Variants in TEK observed in about 807,000 individuals in gnomAD.
TEK encodes angiopoietin-1 receptor.
TEK carries 43 observed loss-of-function variants against 131.8 expected under a neutral mutation model. The ratio of observed to expected loss-of-function variants is 0.33; its 90% CI spans 0.26 to 0.42. The LOEUF is 0.42. TEK is among the 10% of genes least tolerant of loss of function. The pLI is 1.00. For missense variants in TEK, 1,162 were observed against 1,384.4 expected, an observed-to-expected ratio of 0.84 and a Z score of 2.55; for synonymous variants, 580 against 491.6, an observed-to-expected ratio of 1.18 and a Z score of -2.38.
At chr9:27,130,025 C>G (rs757416779) in intron 1 of TEK, among the ~76,000 whole-genome samples, 1 of 152,174 alleles carries the variant, frequency 6.6e-6, no homozygotes, top group South Asian at 2.1e-4. Flanking sequence ...ATCCAATCAC[C>G]TAAAGATATT....
intron 13 of TEK, among the ~76,000 whole-genome samples, chr9:27,203,947 G>A (rs1345233782): frequency 6.6e-6 from 1 of 152,216 alleles, no homozygotes; most frequent in East Asian, 1.9e-4. Flanking sequence ...CTTTAACAGT[G>A]CTGATTCTTT....
chr9:27,133,319 G>A (rs930815998), intron 1 of TEK, among the ~76,000 whole-genome samples: 7 of 152,166 alleles, frequency 4.6e-5, no homozygotes, highest in Admixed American at 2.0e-4. Flanking sequence ...AGTTGGAAAG[G>A]TCTAAGAATT....
In TEK at chr9:27,180,319, A is replaced by G. The variant is rs180827182; in HGVS notation, c.981A>G (p.Gln327=). The change falls in exon 7 of 23, where the codon CAA becomes CAG. Residue 327 remains glutamine (Q), a synonymous_variant. Transcript: ENST00000380036. ...ATGGGGAGATGTGTGATCGCTTCCA[A>G]GGATGTCTCTGCTCTCCAGGATGGC... ...CNNGEMCDRF[Q]GCLCSPGWQG... is the part of the protein sequence containing the mutation. The G allele has an allele frequency of 1.1e-5, 18 of 1,613,790 alleles. No individual in the cohort carries two copies. The highest frequency in any genetic ancestry group is 1.1e-4 in the East Asian group (5 of 44,850).
chr9:27,193,327 G>A (rs1183720519), intron 11 of TEK, among the ~76,000 whole-genome samples: 1 of 152,074 alleles, frequency 6.6e-6, no homozygotes, highest in African/African-American at 2.4e-5. Flanking sequence ...CCAGAGTTTC[G>A]GATTCAATGG....
At chr9:27,187,961 G>C (rs1244512624) in intron 9 of TEK, among the ~76,000 whole-genome samples, 1 of 152,098 alleles carries the variant, frequency 6.6e-6, no homozygotes, top group Admixed American at 6.6e-5. Context: ...TGAGGTACTA[G>C]GGGTTAAGAC....
At chr9:27,119,420 G>A (rs1470634907) in intron 1 of TEK, among the ~76,000 whole-genome samples, 1 of 152,168 alleles carries the variant, frequency 6.6e-6, no homozygotes, top group East Asian at 1.9e-4. Flanking sequence ...TGAAACTGGT[G>A]TCTCATATGT....
At position 27,168,511 on chromosome 9, in the gene TEK, T is replaced by C. The variant is rs763771206; in HGVS notation, c.381T>C (p.Ala127=). The C allele has an allele frequency of 1.9e-6, 3 of 1,613,744 alleles. No homozygotes were observed. In the South Asian group the frequency reaches 3.3e-5, roughly 18 times the overall value. ...TTTTAAAAGCTTCCTTCCTACCAGC[T>C]ACTTTAACTATGACTGTGGACAAGG... is the stretch of plus-strand genomic sequence containing the variant. ...KMRQQASFLP[A]TLTMTVDKGD... The change falls in exon 3 of 23, where the codon GCT becomes GCC. Residue 127 remains alanine, a synonymous_variant. Transcript: ENST00000380036.
intron 16 of TEK, among the ~76,000 whole-genome samples, chr9:27,211,120 TAA>T (rs35005991): frequency 0.3 from 41,413 of 137,000 alleles, 6,735 homozygotes; most frequent in East Asian, 0.55. Flanking sequence ...AGACTCAGTT[TAA>T]AAAAAAATAT....
In TEK at chr9:27,111,686, T is replaced by C. The variant is rs117957007; in HGVS notation, c.52+2044T>C. ...CTTTCCTTTTCTGAATTGAGAATCATTGCTAACTTCAGCTTTCAAACAGGT... is the reference window on the plus strand; with the variant it reads ...CTTTCCTTTTCTGAATTGAGAATCACTGCTAACTTCAGCTTTCAAACAGGT... On this transcript the variant is annotated intron_variant, in intron 1 of 22. Transcript: ENST00000380036. Among the ~76,000 whole-genome samples the C allele has an allele frequency of 6.2e-3, 949 of 152,276 alleles. 2 individuals are homozygous for C. Among genetic ancestry groups the C allele is most frequent in the African/African-American group, 8.0e-3 (333 of 41,566 alleles).
At chr9:27,213,640 A>G (rs1185155547) in intron 18 of TEK, 43 bp downstream of exon 18, 2 of 1,453,750 alleles carry the variant, frequency 1.4e-6, no homozygotes, top group African/African-American at 2.8e-5. Flanking sequence ...TTTCCGAGGT[A>G]CTCCCCTGTC....
intron 2 of TEK, 75 bp from the exon 3 acceptor site, chr9:27,168,420 G>A: frequency 8.6e-7 from 1 of 1,162,266 alleles, no homozygotes; most frequent in Non-Finnish European, 1.3e-6. Context: ...CTCATTTTCT[G>A]AGTCTCAAAG....
chr9:27,212,561 C>A, intron 16 of TEK, 146 bp from the exon 17 acceptor site: 1 of 847,562 alleles, frequency 1.2e-6, no homozygotes, highest in Non-Finnish European at 1.9e-6. Flanking sequence ...CCGTCTTCCT[C>A]CTGTCCCCCA....
intron 1 of TEK, among the ~76,000 whole-genome samples, chr9:27,142,022 C>A (rs1042683053): frequency 3.3e-5 from 5 of 152,140 alleles, no homozygotes; most frequent in Admixed American, 6.5e-5. Context: ...TAGAGAAGGG[C>A]ATCCTTGGCA....
rs754385594 is a variant in TEK, at chr9:27,212,785, C to T, written c.2765C>T (p.Thr922Met). The change falls in exon 17 of 23, where the codon ACG becomes ATG. Residue 922 changes from threonine (T) to methionine (M), a missense_variant. Coordinates refer to ENST00000380036, the MANE Select transcript of TEK (RefSeq NM_000459.5). ...CTTCGCAAGAGCCGTGTGCTGGAGACGGACCCAGCATTTGCCATTGCCAAT... is the reference window on the plus strand; with the variant it reads ...CTTCGCAAGAGCCGTGTGCTGGAGATGGACCCAGCATTTGCCATTGCCAAT... ...DFLRKSRVLE[T>M]DPAFAIANST... The T allele has an allele frequency of 3.7e-6, 6 of 1,614,094 alleles. No individual in the cohort carries two copies. The highest frequency in any genetic ancestry group is 5.1e-6 in the Non-Finnish European group (6 of 1,180,022).
At chr9:27,176,916 A>G (rs1428233713) in intron 6 of TEK, among the ~76,000 whole-genome samples, 1 of 152,156 alleles carries the variant, frequency 6.6e-6, no homozygotes, top group African/African-American at 2.4e-5. Context: ...TTCAGATTCC[A>G]CTTATAGAAG....
chr9:27,190,494 C>A, intron 9 of TEK, 35 bp from the exon 10 acceptor site: 1 of 1,613,254 alleles, frequency 6.2e-7, no homozygotes, highest in Non-Finnish European at 8.5e-7. Flanking sequence ...ACCTCAAAGC[C>A]GAAGGACTAA....
At chr9:27,123,315 CT>C (rs1354334528) in intron 1 of TEK, among the ~76,000 whole-genome samples, 1 of 152,024 alleles carries the variant, frequency 6.6e-6, no homozygotes, top group African/African-American at 2.4e-5. Flanking sequence ...GGGTTAGGTC[CT>C]TCTCTCTGCC....
At chr9:27,212,675 T>A (rs1174139221) in intron 16 of TEK, 32 bp from the exon 17 acceptor site, 1 of 1,612,602 alleles carries the variant, frequency 6.2e-7, no homozygotes, top group Non-Finnish European at 8.5e-7. Flanking sequence ...TCAGGGCCAC[T>A]GATGAGTCGA....
intron 8 of TEK, among the ~76,000 whole-genome samples, chr9:27,183,983 G>A (rs781008124): frequency 1.3e-5 from 2 of 152,172 alleles, no homozygotes; most frequent in African/African-American, 4.8e-5. Flanking sequence ...GGAGAGTAAG[G>A]TGGTGTTGCA....
Sources: allele counts gnomAD v4.1 joint callset (sites outside exome capture counted in the v4.1 genomes callset), GRCh38; gene constraint gnomAD v4.1.1; transcripts MANE v1.5; gene names NCBI Gene and HGNC (gene_info 2026-07-23, HGNC 2026-07-21).